The following MYRIP variants were observed in gnomAD, a reference collection of about 807,000 sequenced individuals.
The protein encoded by MYRIP is rab effector MyRIP.
In MYRIP, 49 loss-of-function variants were observed where a neutral mutation model predicts 98.0. The ratio of observed to expected loss-of-function variants is 0.50; its 90% CI spans 0.40 to 0.63. The LOEUF (loss-of-function observed/expected upper bound fraction) is 0.63, where lower values mean the gene tolerates loss of function less well. MYRIP is among the 30% of genes least tolerant of loss of function. The pLI is 0.00. For missense variants in MYRIP, 1,004 were observed against 1,058.2 expected (o/e 0.95, Z 0.71); for synonymous variants, 404 against 409.5 (o/e 0.99, Z 0.16).
At chr3:39,996,237 C>A (rs929577511) in intron 2 of MYRIP, among the ~76,000 whole-genome samples, 14 of 152,088 alleles carry the variant, frequency 9.2e-5, no homozygotes, top group Admixed American at 9.2e-4. Context: ...CACAGACTGG[C>A]AAATTGGATA....
At chr3:40,077,254 G>C (rs906022136) in intron 3 of MYRIP, among the ~76,000 whole-genome samples, 1 of 152,152 alleles carries the variant, frequency 6.6e-6, no homozygotes, top group East Asian at 1.9e-4. Context: ...AAAGAACAAA[G>C]CTTCCACAGT....
intron 11 of MYRIP, among the ~76,000 whole-genome samples, chr3:40,228,365 G>C (rs541251284): frequency 1.4e-4 from 22 of 152,100 alleles, no homozygotes; most frequent in Admixed American, 1.2e-3. Flanking sequence ...ACATGTTCCT[G>C]GTGCAAAGAT....
At chr3:39,973,682 G>C (rs62264392) in intron 2 of MYRIP, among the ~76,000 whole-genome samples, 283 of 128,230 alleles carry the variant, frequency 2.2e-3, no homozygotes, top group African/African-American at 9.2e-3. Flanking sequence ...TGTAAAAGAA[G>C]AGAAATTATA....
intron 1 of MYRIP, among the ~76,000 whole-genome samples, chr3:39,862,509 C>CA (rs1221577277): frequency 2.0e-5 from 3 of 151,952 alleles, no homozygotes; most frequent in Admixed American, 6.6e-5. Flanking sequence ...TAATTTCAGA[C>CA]AAAAAATACT....
At chr3:39,849,192 C>T (rs1001067325) in intron 1 of MYRIP, among the ~76,000 whole-genome samples, 1 of 152,130 alleles carries the variant, frequency 6.6e-6, no homozygotes, top group African/African-American at 2.4e-5. Context: ...CTTGCCTTGT[C>T]CTCTTTCCAA....
At chr3:40,052,107 T>C (rs1388926306) in intron 3 of MYRIP, among the ~76,000 whole-genome samples, 2 of 152,136 alleles carry the variant, frequency 1.3e-5, no homozygotes, top group African/African-American at 4.8e-5. Context: ...TTCCCTACTA[T>C]ACTATTGAAT....
In MYRIP at chr3:40,190,049, G is replaced by A. The variant is rs966549999; in HGVS notation, c.1251G>A (p.Leu417=). ...AGCTGTGTCCCAGGTCCCGGGCCCT[G>A]CCCAGGAACCCCCAGCCTCAGCCCA... ...LSKLCPRSRA[L]PRNPQPQPTQ... Residue 417 remains leucine, a synonymous_variant, in exon 10 of 17, where the codon CTG becomes CTA. Transcript: ENST00000302541. The A allele has an allele frequency of 3.1e-6, 5 of 1,614,010 alleles. No individual in the cohort carries two copies. The highest frequency in any genetic ancestry group is 1.1e-5 in the South Asian group (1 of 91,064).
chr3:39,880,417 G>T (rs553723567), intron 1 of MYRIP, among the ~76,000 whole-genome samples: 4 of 152,256 alleles, frequency 2.6e-5, no homozygotes, highest in African/African-American at 9.6e-5. Flanking sequence ...TATAAAAAAT[G>T]ATAAAAGCTG....
intron 2 of MYRIP, among the ~76,000 whole-genome samples, chr3:39,974,254 C>A (rs1347772751): frequency 1.3e-5 from 2 of 152,136 alleles, no homozygotes; most frequent in African/African-American, 2.4e-5. Flanking sequence ...AAACTACCAT[C>A]AGAGAATACT....
chr3:40,026,686 G>A (rs966254220), intron 2 of MYRIP, among the ~76,000 whole-genome samples: 1 of 152,126 alleles, frequency 6.6e-6, no homozygotes, highest in Non-Finnish European at 1.5e-5. Flanking sequence ...CACATTCACT[G>A]TTCAGTCTGC....
At chr3:40,105,659 A>G (rs1949037874) in intron 3 of MYRIP, among the ~76,000 whole-genome samples, 1 of 152,192 alleles carries the variant, frequency 6.6e-6, no homozygotes, top group Non-Finnish European at 1.5e-5. Context: ...TATAAAGGAA[A>G]GAGGTTTAAT....
At chr3:40,211,227 G>A (rs1184632094) in intron 11 of MYRIP, among the ~76,000 whole-genome samples, 1 of 152,136 alleles carries the variant, frequency 6.6e-6, no homozygotes, top group African/African-American at 2.4e-5. Flanking sequence ...TCAGAGTGAT[G>A]ATTCTGTTAG....
At chr3:39,886,799 G>A (rs1943316262) in intron 1 of MYRIP, among the ~76,000 whole-genome samples, 1 of 151,724 alleles carries the variant, frequency 6.6e-6, no homozygotes, top group Admixed American at 6.6e-5. Flanking sequence ...AAGTCAACAA[G>A]GATACCCAGG....
chr3:39,912,762 G>T (rs1214893063), intron 2 of MYRIP, among the ~76,000 whole-genome samples: 1 of 152,184 alleles, frequency 6.6e-6, no homozygotes. Flanking sequence ...ATTCTTGGCT[G>T]GGCATAGTGG....
intron 3 of MYRIP, among the ~76,000 whole-genome samples, chr3:40,140,512 ATT>A (rs757107572): frequency 7.9e-5 from 12 of 152,110 alleles, no homozygotes; most frequent in Non-Finnish European, 1.8e-4. Context: ...TGATAGTTCT[ATT>A]TGTAGTTTGG....
At chr3:39,987,460 A>G (rs899870244) in intron 2 of MYRIP, among the ~76,000 whole-genome samples, 1 of 152,194 alleles carries the variant, frequency 6.6e-6, no homozygotes, top group African/African-American at 2.4e-5. Flanking sequence ...TAGTGCTGCA[A>G]TAAACATGTT....
rs1357478157 is a variant in MYRIP, at chr3:39,975,658, G to T, written c.111-68392G>T. On this transcript the variant is annotated intron_variant, in intron 2 of 16. Transcript: ENST00000302541. Reference sequence around the variant, plus strand: ...ACCTGACTTCAAACTATACTACAAGGCTACAGTAACCAAAACAGCATGGTA... The same window carrying T: ...ACCTGACTTCAAACTATACTACAAGTCTACAGTAACCAAAACAGCATGGTA... Among the ~76,000 whole-genome samples, 34 of 152,112 alleles carry T rather than the reference G, an allele frequency of 2.2e-4. No individual in the cohort carries two copies. The East Asian group carries it at 6.6e-3, about 29-fold the overall frequency.
chr3:40,053,552 C>T (rs2125841010), intron 3 of MYRIP, among the ~76,000 whole-genome samples: 1 of 152,260 alleles, frequency 6.6e-6, no homozygotes, highest in Non-Finnish European at 1.5e-5. Flanking sequence ...TGAGTTGTTT[C>T]ATTTAATCCT....
intron 1 of MYRIP, among the ~76,000 whole-genome samples, chr3:39,853,061 C>T (rs1363974274): frequency 6.6e-6 from 1 of 152,170 alleles, no homozygotes; most frequent in East Asian, 1.9e-4. Context: ...GGATTACAGG[C>T]GTGAGTCACT....
Sources: gnomAD v4.1 joint callset for allele counts (sites outside exome capture counted in the v4.1 genomes callset) on GRCh38, gnomAD v4.1.1 for gene constraint, MANE v1.5 for transcripts, NCBI Gene and HGNC (gene_info 2026-07-23, HGNC 2026-07-21) for gene names.